Variants in ATP13A3 observed in about 807,000 individuals in gnomAD.
The protein encoded by ATP13A3 is ATPase 13A3, also known as polyamine-transporting ATPase 13A3.
ATP13A3 carries 59 observed loss-of-function variants against 158.1 expected under a neutral mutation model. That is an observed-to-expected ratio of 0.37 (90% CI 0.30 to 0.46). The LOEUF is 0.46. Ranked by LOEUF, ATP13A3 falls within the 20% of genes least tolerant of loss-of-function variation. ATP13A3 has a pLI of 1.00. For missense variants in ATP13A3, 1,166 were observed against 1,525.2 expected, an observed-to-expected ratio of 0.76 and a Z score of 3.92; for synonymous variants, 491 against 504.3, an observed-to-expected ratio of 0.97 and a Z score of 0.35.
At chr3:194,441,014 G>A (rs1718017472) in intron 16 of ATP13A3, among the ~76,000 whole-genome samples, 2 of 152,176 alleles carry the variant, frequency 1.3e-5, no homozygotes. Context: ...TCATCTTACT[G>A]GCTCTGCTCT....
chr3:194,485,153 A>G (rs183784043), intron 2 of ATP13A3, among the ~76,000 whole-genome samples: 3 of 152,224 alleles, frequency 2.0e-5, no homozygotes, highest in Non-Finnish European at 4.4e-5. Context: ...ACAAGGCTCA[A>G]AATCTCAATT....
chr3:194,468,386 T>TAAAAAAAAAAA (rs35011462), intron 2 of ATP13A3: 12 of 111,864 alleles, frequency 1.1e-4, no homozygotes, highest in African/African-American at 4.7e-4. Flanking sequence ...TGTGTGAGTT[T>TAAAAAAAAAAA]AAAAAAAAAA....
At chr3:194,449,152 C>CA (rs1419607080) in intron 11 of ATP13A3, among the ~76,000 whole-genome samples, 1 of 151,942 alleles carries the variant, frequency 6.6e-6, no homozygotes, top group Non-Finnish European at 1.5e-5. Context: ...GTGGTTCTCT[C>CA]AAACAACCAC....
At chr3:194,407,703 G>C (rs1387955772) in intron 33 of ATP13A3, among the ~76,000 whole-genome samples, 12 of 152,114 alleles carry the variant, frequency 7.9e-5, no homozygotes, top group Admixed American at 7.9e-4. Flanking sequence ...CTGGGGTGGG[G>C]ACGGGGAAAG....
Position 194,447,867 on chromosome 3 carries a change from A to G in ATP13A3, c.1293T>C (p.Asn431=), listed in dbSNP as rs1365484283. ...ACATACATACCTCATTTAAAATGCT[A>G]TTAATAATAGTGTAGATAAACCCAA... The part of the protein sequence containing the change: ...AGIGFIYTII[N]SILNEVQVGV... The change falls in exon 13 of 34, where the codon AAT becomes AAC. Residue 431 remains asparagine (N), a synonymous_variant. Transcript: ENST00000645319. 1 of 1,610,816 alleles carries G rather than the reference A, an allele frequency of 6.2e-7. No homozygotes were observed. Among genetic ancestry groups the G allele is most frequent in the Non-Finnish European group, 8.5e-7 (1 of 1,177,134 alleles).
At chr3:194,423,997 C>G (rs530189845) in intron 30 of ATP13A3, among the ~76,000 whole-genome samples, 1 of 150,984 alleles carries the variant, frequency 6.6e-6, no homozygotes, top group Admixed American at 6.6e-5. Flanking sequence ...TACATGTGTT[C>G]AACATTTCCT....
chr3:194,409,196 T>A (rs1424179228), intron 33 of ATP13A3, among the ~76,000 whole-genome samples: 1 of 152,206 alleles, frequency 6.6e-6, no homozygotes, highest in Non-Finnish European at 1.5e-5. Flanking sequence ...TTAGGAAATG[T>A]TTTCATGGGC....
chr3:194,408,604 T>C (rs752297188), intron 33 of ATP13A3, among the ~76,000 whole-genome samples: 10 of 152,210 alleles, frequency 6.6e-5, no homozygotes, highest in African/African-American at 1.9e-4. Flanking sequence ...TTTTTATGCA[T>C]TGAAAAATAT....
At chr3:194,477,776 C>CA (rs1366224432) in intron 2 of ATP13A3, among the ~76,000 whole-genome samples, 3 of 152,206 alleles carry the variant, frequency 2.0e-5, no homozygotes, top group Non-Finnish European at 2.9e-5. Flanking sequence ...CTGGGCCCCC[C>CA]AGAAGTGTTT....
At chr3:194,425,581 C>G (rs1326239011) in intron 29 of ATP13A3, 52 bp from the exon 30 acceptor site, 1 of 1,415,832 alleles carries the variant, frequency 7.1e-7, no homozygotes, top group Non-Finnish European at 9.6e-7. Context: ...ACTCATTTCC[C>G]AAAAGAAACC....
chr3:194,469,200 A>C (rs1720178119), intron 2 of ATP13A3, among the ~76,000 whole-genome samples: 1 of 151,986 alleles, frequency 6.6e-6, no homozygotes, highest in Non-Finnish European at 1.5e-5. Context: ...GCTCACGCCT[A>C]TAATCCCAGC....
chr3:194,411,685 C>T (rs562614019), intron 33 of ATP13A3, among the ~76,000 whole-genome samples: 9 of 152,186 alleles, frequency 5.9e-5, no homozygotes, highest in South Asian at 2.1e-4. Flanking sequence ...AGGTATACAA[C>T]GCTGGAGAAA....
chr3:194,483,589 C>A, intron 2 of ATP13A3, among the ~76,000 whole-genome samples: 1 of 151,610 alleles, frequency 6.6e-6, no homozygotes, highest in African/African-American at 2.4e-5. Context: ...GACCCTATCT[C>A]AAAAAAACTC....
At chr3:194,493,307 C>T (rs763332795) in intron 2 of ATP13A3, among the ~76,000 whole-genome samples, 8 of 152,192 alleles carry the variant, frequency 5.3e-5, no homozygotes, top group Non-Finnish European at 8.8e-5. Flanking sequence ...AATGAATTTA[C>T]GATCTCAGAT....
At position 194,412,266 on chromosome 3, in the gene ATP13A3, A is replaced by G. The variant is rs749351533; in HGVS notation, c.3506T>C (p.Leu1169Pro). 5.2e-6 allele frequency: 8 copies of G among 1,536,490 alleles called. No individual in the cohort carries two copies. In the South Asian group the frequency reaches 9.5e-5, roughly 18 times the overall value. Residue 1169 changes from leucine to proline, a missense_variant, in exon 33 of 34, where the codon CTT (leucine) becomes CCT (proline). Around this residue, in one of 3 missense-constraint regions of ATP13A3, gnomAD observed 997 missense variants for 1,341.2 expected, o/e 0.74. Transcript: ENST00000645319. ...GTCTCGGTTGAACACAACTTTCCAA[A>G]GGACCATGTCAAGGAAGAAGTTCTG... ...TVENFFLDMV[L>P]WKVVFNRDKQ...
chr3:194,478,107 T>C (rs1396282941), intron 2 of ATP13A3, among the ~76,000 whole-genome samples: 1 of 152,178 alleles, frequency 6.6e-6, no homozygotes, highest in Admixed American at 6.5e-5. Context: ...TCCTAATTTT[T>C]CAGATAAATC....
At chr3:194,422,534 G>C (rs540548285) in intron 30 of ATP13A3, among the ~76,000 whole-genome samples, 11 of 152,168 alleles carry the variant, frequency 7.2e-5, no homozygotes, top group Admixed American at 7.2e-4. Flanking sequence ...ATGGGGATAT[G>C]ATAAGGATTC....
At position 194,448,471 on chromosome 3, in the gene ATP13A3, A is replaced by T; in HGVS notation, c.1136T>A (p.Ile379Lys). 1 of 1,613,944 alleles carries T rather than the reference A, an allele frequency of 6.2e-7. No individual in the cohort carries two copies. Among genetic ancestry groups the T allele is most frequent in the Non-Finnish European group, 8.5e-7 (1 of 1,179,810 alleles). ...ATGTTTCCTACCTGTTCTAACAACT[A>T]TGGCTTTGACGAGTTCTCCAGTGTA... ...RFYTGELVKA[I>K]VVRTGFSTSK... The change falls in exon 12 of 34, where the codon ATA (isoleucine) becomes AAA (lysine). Residue 379 changes from isoleucine (I) to lysine (K), a missense_variant. Transcript: ENST00000645319. This position sits in a 1 kb window ranked among gnomAD's most constrained non-coding sequence, Gnocchi z 4.0.
intron 2 of ATP13A3, among the ~76,000 whole-genome samples, chr3:194,466,975 CA>C (rs1416790403): frequency 6.6e-6 from 1 of 152,224 alleles, no homozygotes; most frequent in Non-Finnish European, 1.5e-5. Flanking sequence ...TCCACTGACT[CA>C]ATCTACTATG....
Sources: allele counts gnomAD v4.1 joint callset (sites outside exome capture counted in the v4.1 genomes callset), GRCh38; gene constraint gnomAD v4.1.1; regional missense constraint gnomAD v4.1.1; non-coding constraint Gnocchi (gnomAD v3.1); transcripts MANE v1.5; gene names NCBI Gene and HGNC (gene_info 2026-07-23, HGNC 2026-07-21).